MCF2: variants seen among roughly 807,000 people sequenced by gnomAD.
The protein encoded by MCF2 is proto-oncogene DBL.
MCF2 carries 44 observed loss-of-function variants against 82.5 expected under a neutral mutation model. That is an observed-to-expected ratio of 0.53 (90% confidence interval 0.42 to 0.69). MCF2 has a LOEUF of 0.69. MCF2 is among the 30% of genes least tolerant of loss of function. The pLI is 0.00. For synonymous variants in MCF2, 217 were observed against 224.9 expected (o/e 0.96, Z 0.32); for missense variants, 623 against 663.1 (o/e 0.94, Z 0.66).
intron 16 of MCF2, 127 bp from the exon 21 acceptor site, chrX:139,598,625 A>C (rs1020324273): frequency 3.1e-5 from 12 of 387,787 alleles, no homozygotes; most frequent in African/African-American, 3.0e-4. Flanking sequence ...TATTGGAAAA[A>C]TCACTGTTAT....
Position 139,677,933 on chromosome X carries a change from C to T in MCF2, c.-44-26145G>A, listed in dbSNP as rs749723751. Among the ~76,000 whole-genome samples the T allele has an allele frequency of 3.6e-5, 4 of 111,783 alleles. No individual in the cohort carries two copies. In the Admixed American group the frequency reaches 3.8e-4, roughly 11 times the overall value. ...ATCCCAGCACTTTGGGAGGCCAAGG[C>T]GTGCAGATCACTTGAGGTCAGGAGT... On this transcript the variant is annotated intron_variant, in intron 1 of 27. Transcript: ENST00000414978.
At position 139,607,839 on chromosome X, in the gene MCF2, G is replaced by A. The variant is rs1045727929; in HGVS notation, c.1402-60C>T. On this transcript the variant is annotated intron_variant, in intron 11 of 24. Transcript: ENST00000370576. ...TCTGTAGGTATAATTTTTCTTCAAG[G>A]CGATCCAGCTCAAATTAAGTTTATT... 4 of 737,209 alleles carry A rather than the reference G, an allele frequency of 5.4e-6. No individual in the cohort carries two copies. The African/African-American group carries it at 8.5e-5, about 16-fold the overall frequency. 60.8% of individuals were successfully genotyped at this position (737,209 alleles called of 1,213,427 possible). A position where few individuals can be genotyped will look rare whatever the true frequency, so the allele number is the denominator to read the frequency against.
intron 1 of MCF2, among the ~76,000 whole-genome samples, chrX:139,662,518 A>C (rs1015192249): frequency 4.5e-5 from 5 of 111,415 alleles, no homozygotes; most frequent in African/African-American, 1.6e-4. Flanking sequence ...AGACATAAAG[A>C]TCAATGGAAT....
At chrX:139,701,466 G>A (rs1935496778) in intron 1 of MCF2, among the ~76,000 whole-genome samples, 1 of 112,211 alleles carries the variant, frequency 8.9e-6, no homozygotes, top group South Asian at 3.7e-4. Flanking sequence ...CAGTTGGAAG[G>A]TCTTAACAGC....
chrX:139,664,278 C>T (rs1934443645), intron 1 of MCF2, among the ~76,000 whole-genome samples: 1 of 108,754 alleles, frequency 9.2e-6, no homozygotes, highest in Admixed American at 9.8e-5. Flanking sequence ...GCTAGGATTA[C>T]AGGCATTGAG....
intron 1 of MCF2, among the ~76,000 whole-genome samples, chrX:139,653,722 C>T (rs995872537): frequency 4.5e-5 from 5 of 111,211 alleles, no homozygotes; most frequent in Admixed American, 9.6e-5. Flanking sequence ...AATATGCATA[C>T]AAAATTTACC....
intron 1 of MCF2, among the ~76,000 whole-genome samples, chrX:139,657,628 T>C (rs1330306016): frequency 8.9e-6 from 1 of 112,822 alleles, no homozygotes; most frequent in Non-Finnish European, 1.9e-5. Flanking sequence ...AGTAAGTTTG[T>C]GAAATATTAG....
At chrX:139,585,827 C>A (rs1239821555) in intron 23 of MCF2, among the ~76,000 whole-genome samples, 1 of 112,274 alleles carries the variant, frequency 8.9e-6, no homozygotes, top group Non-Finnish European at 1.9e-5. Context: ...GAATGCAGAT[C>A]ATGCTATGTC....
chrX:139,631,646 A>G (rs1017442080), intron 2 of MCF2, 135 bp from the exon 6 acceptor site: 11 of 408,459 alleles, frequency 2.7e-5, no homozygotes, highest in Non-Finnish European at 4.9e-5. Flanking sequence ...TCTCCTGTAC[A>G]TGCCCCCATA....
At chrX:139,632,481 TG>T (rs1426940444) in intron 1 of MCF2, 27 bp from the exon 5 acceptor site, 1 of 1,172,793 alleles carries the variant, frequency 8.5e-7, no homozygotes. Flanking sequence ...CAAAAGAAAT[TG>T]GAAAAAAAAT....
chrX:139,639,845 C>T (rs1368876371), intron 1 of MCF2, among the ~76,000 whole-genome samples: 1 of 111,588 alleles, frequency 9.0e-6, no homozygotes, highest in African/African-American at 3.3e-5. Flanking sequence ...AATTTATTTT[C>T]CTATAGCTTT....
chrX:139,655,646 T>A lies in MCF2; in HGVS notation c.-44-3858A>T, dbSNP rs147616262. On this transcript the variant is annotated intron_variant, in intron 1 of 27. Coordinates refer to the MCF2 transcript ENST00000414978. ...TTAACTCGTTATTTACATTAGGTAT[T>A]TCTCCTAATGTTATCCCTCCCCACT... 9.8e-3 allele frequency among the ~76,000 whole-genome samples: 1,090 copies of A among 111,257 alleles called. 12 individuals carry two copies. The highest frequency in any genetic ancestry group is 0.033 in the African/African-American group (1,019 of 30,541).
At chrX:139,619,745 T>A (rs771811477) in intron 6 of MCF2, 39 bp from the exon 10 acceptor site, 1 of 1,037,325 alleles carries the variant, frequency 9.6e-7, no homozygotes, top group Non-Finnish European at 1.3e-6. Flanking sequence ...AAACATAAAA[T>A]TTATCCCCTT....
chrX:139,650,260 G>A (rs1933951588), intron 2 of MCF2, among the ~76,000 whole-genome samples: 1 of 111,482 alleles, frequency 9.0e-6, no homozygotes, highest in Admixed American at 9.5e-5. Flanking sequence ...AGGCTGAGGT[G>A]GAAGGATCAC....
chrX:139,665,897 GTATATATATATATATA>G (rs761065038), intron 1 of MCF2, among the ~76,000 whole-genome samples: 2 of 68,587 alleles, frequency 2.9e-5, no homozygotes, highest in Non-Finnish European at 5.1e-5. Flanking sequence ...AGGTGTGTGT[GTATATATATATATATA>G]TATATATATA....
At chrX:139,661,463 A>G (rs1465503644) in intron 1 of MCF2, among the ~76,000 whole-genome samples, 2 of 111,955 alleles carry the variant, frequency 1.8e-5, no homozygotes, top group East Asian at 2.8e-4. Flanking sequence ...AACTTTTGAT[A>G]TAACCTCAGG....
At chrX:139,646,932 A>T, upstream of MCF2, 2 of 829,311 alleles carry the variant, frequency 2.4e-6, no homozygotes, top group South Asian at 4.8e-5. Flanking sequence ...AATCAACTGA[A>T]TTAAAAATGT....
At chrX:139,594,306 C>G (rs932411694) in intron 19 of MCF2, among the ~76,000 whole-genome samples, 3 of 111,130 alleles carry the variant, frequency 2.7e-5, no homozygotes, top group African/African-American at 9.9e-5. Flanking sequence ...GGAGGCATCA[C>G]GCTACCTGAC....
At chrX:139,583,261 A>T (rs1034552614) in intron 24 of MCF2, among the ~76,000 whole-genome samples, 2 of 112,301 alleles carry the variant, frequency 1.8e-5, no homozygotes, top group Non-Finnish European at 3.8e-5. Flanking sequence ...ATTTTGAAAA[A>T]TGTAACTTTT....
Sources: gnomAD v4.1 joint callset for allele counts (sites outside exome capture counted in the v4.1 genomes callset) on GRCh38, gnomAD v4.1.1 for gene constraint, MANE v1.5 for transcripts, NCBI Gene and HGNC (gene_info 2026-07-23, HGNC 2026-07-21) for gene names.